The following ZNF423 variants were observed in gnomAD, a reference collection of about 807,000 sequenced individuals.
ZNF423 encodes the protein Ebf-associated zinc finger protein.
In ZNF423, 12 loss-of-function variants were observed where a neutral mutation model predicts 95.8. The observed-to-expected ratio is 0.13, with a 90% confidence interval of 0.08 to 0.20. The LOEUF is 0.20. Among genes scored for constraint, ZNF423 ranks in the 10% least tolerant of loss-of-function variants. The pLI, the probability that ZNF423 is intolerant of heterozygous loss-of-function variation, is 1.00. For synonymous variants in ZNF423, 749 were observed against 711.9 expected (o/e 1.05, Z -0.83); for missense variants, 1,316 against 1,737.1 (o/e 0.76, Z 4.31).
chr16:49,811,980 C>T (rs965405672), intron 1 of ZNF423, among the ~76,000 whole-genome samples: 1 of 152,254 alleles, frequency 6.6e-6, no homozygotes, highest in Non-Finnish European at 1.5e-5. Flanking sequence ...CCGCTCTCCT[C>T]TCCCCTTCCT....
At chr16:49,732,645 C>T (rs1169310661) in intron 2 of ZNF423, among the ~76,000 whole-genome samples, 4 of 152,200 alleles carry the variant, frequency 2.6e-5, no homozygotes, top group South Asian at 2.1e-4. Context: ...CCCCTGAGGG[C>T]GGGCGCCAAA....
At chr16:49,543,499 C>T (rs995657076) in intron 5 of ZNF423, among the ~76,000 whole-genome samples, 7 of 152,206 alleles carry the variant, frequency 4.6e-5, no homozygotes, top group Non-Finnish European at 8.8e-5. Context: ...TCTGCGGGAG[C>T]GGATCCAATC....
chr16:49,649,350 G>C (rs1973301602), intron 3 of ZNF423, among the ~76,000 whole-genome samples: 1 of 152,106 alleles, frequency 6.6e-6, no homozygotes, highest in Non-Finnish European at 1.5e-5. Flanking sequence ...AGGTCTCTAA[G>C]AGGCTTTGTA....
chr16:49,709,166 G>A (rs919215721), intron 3 of ZNF423, among the ~76,000 whole-genome samples: 1 of 120,010 alleles, frequency 8.3e-6, no homozygotes, highest in Non-Finnish European at 1.7e-5. Flanking sequence ...TTCAGCAGCC[G>A]TTTATATATA....
At chr16:49,704,034 C>G (rs993770000) in intron 3 of ZNF423, among the ~76,000 whole-genome samples, 1 of 152,142 alleles carries the variant, frequency 6.6e-6, no homozygotes, top group Non-Finnish European at 1.5e-5. Context: ...GGCAGGTTTC[C>G]CCTTCAGAGT....
At chr16:49,691,625 A>G (rs1302620452) in intron 3 of ZNF423, among the ~76,000 whole-genome samples, 2 of 152,034 alleles carry the variant, frequency 1.3e-5, no homozygotes, top group African/African-American at 4.8e-5. Context: ...CCAGCTACTC[A>G]GGAGGCTGAG....
chr16:49,702,929 A>ACG (rs897838911), intron 3 of ZNF423, among the ~76,000 whole-genome samples: 6 of 151,786 alleles, frequency 4.0e-5, no homozygotes, highest in African/African-American at 1.5e-4. Context: ...ACACACACAC[A>ACG]CACACACACA....
chr16:49,738,424 G>GT (rs2033340252), intron 2 of ZNF423, among the ~76,000 whole-genome samples: 1 of 152,112 alleles, frequency 6.6e-6, no homozygotes, highest in Non-Finnish European at 1.5e-5. Flanking sequence ...CTTGACCAAG[G>GT]CAAGTCCCCT....
chr16:49,836,087 G>A (rs1205626409), intron 1 of ZNF423, among the ~76,000 whole-genome samples: 1 of 152,140 alleles, frequency 6.6e-6, no homozygotes, highest in Non-Finnish European at 1.5e-5. Context: ...GGGCCTTGTG[G>A]GGAAAACACA....
intron 2 of ZNF423, among the ~76,000 whole-genome samples, chr16:49,740,902 C>G (rs1397428138): frequency 6.6e-6 from 1 of 152,228 alleles, no homozygotes; most frequent in East Asian, 1.9e-4. Context: ...TCCTTCAGGC[C>G]AGAACTTCCA....
At chr16:49,536,510 A>G (rs557902724) in intron 5 of ZNF423, among the ~76,000 whole-genome samples, 8 of 146,054 alleles carry the variant, frequency 5.5e-5, no homozygotes, top group South Asian at 2.1e-4. Flanking sequence ...TAGTATGATC[A>G]CAGCTTAGTG....
At chr16:49,616,012 T>A (rs1971862492) in intron 5 of ZNF423, among the ~76,000 whole-genome samples, 1 of 152,162 alleles carries the variant, frequency 6.6e-6, no homozygotes, top group African/African-American at 2.4e-5. Context: ...GTGGTACCCA[T>A]CACTATTGGA....
intron 1 of ZNF423, among the ~76,000 whole-genome samples, chr16:49,824,518 A>G (rs1465659916): frequency 2.6e-5 from 4 of 152,126 alleles, no homozygotes; most frequent in African/African-American, 9.7e-5. Context: ...AGAGAGCTAC[A>G]GAGATGCTAC....
At chr16:49,796,024 G>T (rs930282314) in intron 1 of ZNF423, among the ~76,000 whole-genome samples, 2 of 152,080 alleles carry the variant, frequency 1.3e-5, no homozygotes, top group African/African-American at 4.8e-5. Context: ...TGGTTCCTGG[G>T]GTGCATTAAG....
At chr16:49,789,607 G>C in intron 1 of ZNF423, 61 bp from the exon 2 acceptor site, 1 of 1,534,864 alleles carries the variant, frequency 6.5e-7, no homozygotes, top group Non-Finnish European at 8.8e-7. Flanking sequence ...GATCAGGTAA[G>C]GCACAGGGCG....
intron 3 of ZNF423, among the ~76,000 whole-genome samples, chr16:49,660,756 G>C (rs1001683144): frequency 6.6e-6 from 1 of 151,734 alleles, no homozygotes; most frequent in African/African-American, 2.4e-5. Context: ...AGAAGGAACA[G>C]CTCAGCTACA....
At chr16:49,515,605 T>G (rs1968099314) in intron 7 of ZNF423, among the ~76,000 whole-genome samples, 2 of 152,196 alleles carry the variant, frequency 1.3e-5, no homozygotes, top group African/African-American at 4.8e-5. Context: ...CCATGCAAAG[T>G]GCTCAGAACA....
intron 5 of ZNF423, among the ~76,000 whole-genome samples, chr16:49,561,871 C>T (rs1970028064): frequency 6.6e-6 from 1 of 152,234 alleles, no homozygotes; most frequent in South Asian, 2.1e-4. Flanking sequence ...GCCCTGCTCA[C>T]TGAGCCTTTG....
In ZNF423 at chr16:49,658,157, C is replaced by T. The variant is rs554510995; in HGVS notation, c.302-19283G>A. On this transcript the variant is annotated intron_variant, in intron 3 of 7. Transcript: ENST00000563137. ...CTGGGCTGGGCAGCCCTAGATGTGGCGCAAGTCCTGCTGCCCTGGCCCATA... is the reference window on the plus strand; with the variant it reads ...CTGGGCTGGGCAGCCCTAGATGTGGTGCAAGTCCTGCTGCCCTGGCCCATA... Among the ~76,000 whole-genome samples the T allele has an allele frequency of 7.2e-5, 11 of 152,330 alleles. No individual in the cohort carries two copies. In the South Asian group the frequency reaches 1.7e-3, roughly 23 times the overall value.
Sources: allele counts gnomAD v4.1 joint callset (sites outside exome capture counted in the v4.1 genomes callset), GRCh38; gene constraint gnomAD v4.1.1; transcripts MANE v1.5; gene names NCBI Gene and HGNC (gene_info 2026-07-23, HGNC 2026-07-21).